SNW1: variants seen among roughly 807,000 people sequenced by gnomAD.
The protein encoded by SNW1 is SNW domain containing 1, also known as SNW domain-containing protein 1.
A neutral mutation model predicts 75.6 loss-of-function variants in SNW1; 9 were observed. That is an observed-to-expected ratio of 0.12 (90% CI 0.07 to 0.21). The LOEUF (loss-of-function observed/expected upper bound fraction) is 0.21, where lower values mean the gene tolerates loss of function less well. Ranked by LOEUF, SNW1 falls within the 10% of genes least tolerant of loss-of-function variation. SNW1 has a pLI of 1.00. For synonymous variants in SNW1, 200 were observed against 219.1 expected (o/e 0.91, Z 0.77); for missense variants, 409 against 670.9 (o/e 0.61, Z 4.31).
rs2080500119 is a variant in SNW1, at chr14:77,717,747, T to G, written c.*341A>C. On this transcript the variant is annotated 3_prime_UTR_variant, in exon 14 of 14. Transcript: ENST00000261531. Reference sequence around the variant, plus strand: ...TGAACATCTTCCTCCTCACTGTGGTTGGGGTAACTTTACTCATATGCAGCT... The same window carrying G: ...TGAACATCTTCCTCCTCACTGTGGTGGGGGTAACTTTACTCATATGCAGCT... The G allele has an allele frequency of 4.8e-6, 3 of 620,492 alleles. No homozygotes were observed. Among genetic ancestry groups the G allele is most frequent in the Non-Finnish European group, 8.4e-6 (3 of 355,480 alleles). 38.4% of individuals were successfully genotyped at this position (620,492 alleles called of 1,614,324 possible).
chr14:77,728,382 C>T (rs541410383), intron 10 of SNW1, among the ~76,000 whole-genome samples: 7 of 152,144 alleles, frequency 4.6e-5, no homozygotes, highest in South Asian at 2.1e-4. Context: ...ACCCAGGAGG[C>T]GGAGGTTGCA....
intron 3 of SNW1, among the ~76,000 whole-genome samples, chr14:77,749,372 AG>A (rs2080789688): frequency 6.6e-6 from 1 of 152,238 alleles, no homozygotes; most frequent in Non-Finnish European, 1.5e-5. Context: ...GTGAAGAAAC[AG>A]GGCAAAAACA....
At chr14:77,723,919 A>AT (rs1193067667) in intron 10 of SNW1, among the ~76,000 whole-genome samples, 3 of 152,208 alleles carry the variant, frequency 2.0e-5, no homozygotes, top group Non-Finnish European at 2.9e-5. Context: ...GAACAAGAGA[A>AT]TATTTTTTAA....
intron 6 of SNW1, among the ~76,000 whole-genome samples, 156 bp from the exon 7 acceptor site, chr14:77,736,162 A>G (rs1566830529): frequency 6.6e-6 from 1 of 152,222 alleles, no homozygotes; most frequent in Non-Finnish European, 1.5e-5. Context: ...TTTGACAATG[A>G]ATAAAACATG....
chr14:77,727,351 C>A (rs2080593944), intron 10 of SNW1, among the ~76,000 whole-genome samples: 1 of 152,180 alleles, frequency 6.6e-6, no homozygotes, highest in Non-Finnish European at 1.5e-5. Context: ...CTGTGCCTGG[C>A]CTTCCTTTCC....
intron 2 of SNW1, 23 bp downstream of exon 2, chr14:77,754,944 C>G (rs372215113): frequency 9.8e-6 from 15 of 1,537,628 alleles, no homozygotes; most frequent in Non-Finnish European, 1.3e-5. Flanking sequence ...TTTAACAAAT[C>G]TAAACTTAAG....
chr14:77,748,620 T>C (rs2080783248), intron 3 of SNW1, among the ~76,000 whole-genome samples: 1 of 151,992 alleles, frequency 6.6e-6, no homozygotes, highest in South Asian at 2.1e-4. Flanking sequence ...AGAGTCTTGC[T>C]CTGTCGCCCA....
chr14:77,723,748 G>A (rs960293290), intron 10 of SNW1, among the ~76,000 whole-genome samples: 3 of 152,010 alleles, frequency 2.0e-5, no homozygotes, highest in Non-Finnish European at 2.9e-5. Flanking sequence ...TCTGCCTCCC[G>A]GGTTCAAGCG....
chr14:77,748,609 CAG>C (rs1283131690), intron 3 of SNW1, among the ~76,000 whole-genome samples: 3 of 151,352 alleles, frequency 2.0e-5, no homozygotes, highest in Non-Finnish European at 2.9e-5. Context: ...TTATTTGAGA[CAG>C]AGTCTTGCTC....
intron 3 of SNW1, among the ~76,000 whole-genome samples, chr14:77,744,473 T>TAAA (rs2080744822): frequency 8.0e-6 from 1 of 124,640 alleles, no homozygotes; most frequent in Admixed American, 8.0e-5. Flanking sequence ...AAAAGAAAAG[T>TAAA]AAAGAAAAGA....
intron 10 of SNW1, among the ~76,000 whole-genome samples, chr14:77,728,187 T>C (rs1249366127): frequency 1.3e-5 from 2 of 152,120 alleles, no homozygotes; most frequent in East Asian, 3.9e-4. Flanking sequence ...TGGTGGCTCA[T>C]GCCTGTAATC....
intron 3 of SNW1, among the ~76,000 whole-genome samples, chr14:77,742,463 A>C (rs1227851732): frequency 6.6e-6 from 1 of 152,180 alleles, no homozygotes; most frequent in African/African-American, 2.4e-5. Context: ...AGCACAAATA[A>C]GCTTTGTCAA....
At chr14:77,738,717 A>G in intron 5 of SNW1, 61 bp downstream of exon 5, 2 of 1,239,764 alleles carry the variant, frequency 1.6e-6, no homozygotes, top group African/African-American at 1.5e-5. Flanking sequence ...AAAGAATACC[A>G]TGACCCCCCA....
intron 10 of SNW1, among the ~76,000 whole-genome samples, chr14:77,725,829 T>C (rs529315294): frequency 6.6e-6 from 1 of 152,298 alleles, no homozygotes; most frequent in African/African-American, 2.4e-5. Context: ...GGTGGGAGGA[T>C]AGCTTGAGTC....
chr14:77,725,897 CAG>C (rs1186296554), intron 10 of SNW1, among the ~76,000 whole-genome samples: 1 of 152,188 alleles, frequency 6.6e-6, no homozygotes, highest in East Asian at 1.9e-4. Context: ...GGCTGGATGA[CAG>C]AGTGAGACGT....
At chr14:77,753,642 C>A (rs1194314714) in intron 2 of SNW1, among the ~76,000 whole-genome samples, 1 of 151,926 alleles carries the variant, frequency 6.6e-6, no homozygotes, top group East Asian at 1.9e-4. Flanking sequence ...GTTGGGTGTT[C>A]CTCTTATAAA....
intron 3 of SNW1, among the ~76,000 whole-genome samples, chr14:77,749,598 C>G (rs920394646): frequency 1.4e-4 from 22 of 152,036 alleles, no homozygotes; most frequent in African/African-American, 5.3e-4. Context: ...AACCCCATCT[C>G]TACTAAAAAT....
intron 11 of SNW1, chr14:77,722,470 T>A: frequency 6.6e-6 from 3 of 454,062 alleles, no homozygotes; most frequent in South Asian, 4.7e-5. Flanking sequence ...TATAAAATGA[T>A]CTCAATAAAA....
intron 6 of SNW1, among the ~76,000 whole-genome samples, chr14:77,736,421 C>T (rs182710351): frequency 3.0e-4 from 45 of 152,040 alleles, no homozygotes; most frequent in African/African-American, 8.4e-4. Flanking sequence ...TTGTGGTACA[C>T]GCCTGTAAAC....
Sources: gnomAD v4.1 joint callset for allele counts (sites outside exome capture counted in the v4.1 genomes callset) on GRCh38, gnomAD v4.1.1 for gene constraint, MANE v1.5 for transcripts, NCBI Gene and HGNC (gene_info 2026-07-23, HGNC 2026-07-21) for gene names.